RGP1: variants seen among roughly 807,000 people sequenced by gnomAD.
RGP1 encodes the protein RAB6A-GEF complex partner protein 2.
Under a neutral mutation model 44.5 loss-of-function variants are expected in RGP1, and 28 were observed. The observed-to-expected ratio is 0.63, with a 90% confidence interval of 0.47 to 0.86. The LOEUF (loss-of-function observed/expected upper bound fraction) is 0.86. Ranked by LOEUF, RGP1 falls within the 40% of genes least tolerant of loss-of-function variation. The pLI is 0.00. For missense variants in RGP1, 417 were observed against 490.7 expected, an observed-to-expected ratio of 0.85 and a Z score of 1.42; for synonymous variants, 212 against 196.7, an observed-to-expected ratio of 1.08 and a Z score of -0.65.
chr9:35,776,868 G>A, the RGP1 span, among the ~76,000 whole-genome samples: 227 of 151,424 alleles, frequency 1.5e-3, no homozygotes, highest in African/African-American at 5.4e-3. Flanking sequence ...GGTGGCGGGC[G>A]ACTGTAGTCC....
rs61731189 is a variant in RGP1, at chr9:35,752,719, C to A, written c.1021C>A (p.Pro341Thr). The change falls in exon 9 of 9, where the codon CCT becomes ACT. Residue 341 changes from proline to threonine, a missense_variant. Coordinates refer to ENST00000378078, the MANE Select transcript of RGP1 (RefSeq NM_001080496.3). ...AGAACCAGGATTGGTACTCCTACCC[C>A]CTGTGGAACAGCCCGAACCTACCAC... ...SREPGLVLLP[P>T]VEQPEPTTWT... 1.3e-4 allele frequency: 207 copies of A among 1,613,704 alleles called. No homozygotes were observed. The highest frequency in any genetic ancestry group is 7.8e-4 in the South Asian group (71 of 91,002).
the RGP1 span, among the ~76,000 whole-genome samples, chr9:35,772,001 C>T: frequency 2.0e-5 from 3 of 152,108 alleles, no homozygotes; most frequent in Non-Finnish European, 4.4e-5. Context: ...GCCATTTGTG[C>T]CAACAACTCT....
chr9:35,787,945 G>A, the RGP1 span, among the ~76,000 whole-genome samples: 1 of 152,196 alleles, frequency 6.6e-6, no homozygotes, highest in Admixed American at 6.5e-5. Flanking sequence ...GGTCAGCAGA[G>A]AAGATATTTT....
the RGP1 span, among the ~76,000 whole-genome samples, chr9:35,766,765 A>G: frequency 2.0e-5 from 3 of 152,238 alleles, no homozygotes; most frequent in Non-Finnish European, 2.9e-5. Context: ...GAATAGAAAT[A>G]TTAAACTTTT....
At chr9:35,765,057 C>T in the RGP1 span, among the ~76,000 whole-genome samples, 94 of 148,636 alleles carry the variant, frequency 6.3e-4, no homozygotes, top group Non-Finnish European at 6.2e-4. Context: ...ACTCAGGAGA[C>T]AGATTGCAAT....
the RGP1 span, among the ~76,000 whole-genome samples, chr9:35,783,759 G>A: frequency 6.6e-6 from 1 of 152,164 alleles, no homozygotes; most frequent in Non-Finnish European, 1.5e-5. Context: ...ACATGGAAGT[G>A]CAGACATTTC....
chr9:35,765,494 A>G, the RGP1 span, among the ~76,000 whole-genome samples: 3 of 152,052 alleles, frequency 2.0e-5, no homozygotes, highest in East Asian at 5.9e-4. Flanking sequence ...CCATCTCTAC[A>G]AAAAATACAA....
At chr9:35,751,489 A>C (rs1240238397) in intron 6 of RGP1, 77 bp downstream of exon 6, 1 of 1,600,580 alleles carries the variant, frequency 6.2e-7, no homozygotes, top group Non-Finnish European at 8.5e-7. Context: ...TCTCCTAACC[A>C]CCACACACTT....
At position 35,757,316 on chromosome 9, in the gene RGP1, T is replaced by C. The variant is rs1463086425; in HGVS notation, c.*4442T>C. 1.3e-5 allele frequency: 2 copies of C among 152,474 alleles called. No individual in the cohort carries two copies. The highest frequency in any genetic ancestry group is 1.9e-4 in the East Asian group (1 of 5,180). The allele number at this position is 152,474 out of a possible 1,614,324, so 9.4% of individuals were successfully genotyped here. ...CAGAGGGTCACTTAGTGGGCTTCTG[T>C]CGTGGTGTCGCTACGGGCGCGAAAC... On this transcript the variant is annotated 3_prime_UTR_variant, in exon 9 of 9. Transcript: ENST00000378078.
chr9:35,780,374 G>A, the RGP1 span: 14 of 152,294 alleles, frequency 9.2e-5, no homozygotes, highest in African/African-American at 2.9e-4. Context: ...AGAGTGTTAT[G>A]GACTCTGACC....
In RGP1 at chr9:35,753,410, A is replaced by G; in HGVS notation, c.*536A>G. ...CAGTGGCCCCTTGGTCCTCCTAACT[A>G]AGCTGTCACCTACCATATGTGGGCC... On this transcript the variant is annotated 3_prime_UTR_variant, in exon 9 of 9. Coordinates refer to ENST00000378078, the MANE Select transcript of RGP1 (RefSeq NM_001080496.3). The surrounding 1 kb of genome is among the most constrained non-coding windows in gnomAD (Gnocchi z 4.2). The G allele has an allele frequency of 9.8e-7, 1 of 1,021,328 alleles. No individual in the cohort carries two copies. The highest frequency in any genetic ancestry group is 1.4e-6 in the Non-Finnish European group (1 of 710,616). The allele number at this position is 1,021,328 out of a possible 1,614,324, so 63.3% of individuals were successfully genotyped here. A position where few individuals can be genotyped will look rare whatever the true frequency, so the allele number is the denominator to read the frequency against.
the RGP1 span, among the ~76,000 whole-genome samples, chr9:35,769,231 T>C: frequency 6.6e-6 from 1 of 152,270 alleles, no homozygotes; most frequent in Non-Finnish European, 1.5e-5. Flanking sequence ...AACCATGTGG[T>C]TGAAACACAT....
Position 35,753,061 on chromosome 9 carries a change from G to A in RGP1, c.*187G>A, listed in dbSNP as rs1392719264. 6.2e-7 allele frequency: 1 copy of A among 1,602,676 alleles called. No homozygotes were observed. Among genetic ancestry groups the A allele is most frequent in the Non-Finnish European group, 8.5e-7 (1 of 1,171,872 alleles). The stretch of plus-strand genomic sequence containing the variant: ...GCTAGTGGTTTCCCTGGAAGTGGCA[G>A]CAGCAGTGAGCAGTCAGCAGATGGA... On this transcript the variant is annotated 3_prime_UTR_variant, in exon 9 of 9. Coordinates refer to ENST00000378078, the MANE Select transcript of RGP1 (RefSeq NM_001080496.3). This position sits in a 1 kb window ranked among gnomAD's most constrained non-coding sequence, Gnocchi z 4.2.
At chr9:35,770,518 AGAGAGAGAGAGAGAG>A in the RGP1 span, among the ~76,000 whole-genome samples, 1 of 151,088 alleles carries the variant, frequency 6.6e-6, no homozygotes, top group Non-Finnish European at 1.5e-5. Flanking sequence ...AGAGAGAGAG[AGAGAGAGAGAGAGAG>A]AGAGAGTTGA....
the RGP1 span, among the ~76,000 whole-genome samples, chr9:35,783,588 C>T: frequency 5.3e-5 from 8 of 152,064 alleles, no homozygotes; most frequent in South Asian, 1.7e-3. Flanking sequence ...ATAATGTCCT[C>T]CAGGCTCATC....
the RGP1 span, among the ~76,000 whole-genome samples, chr9:35,777,496 T>TAG: frequency 6.6e-6 from 1 of 150,544 alleles, no homozygotes; most frequent in African/African-American, 2.4e-5. Context: ...TTTATATATA[T>TAG]AGAGAGAGAG....
the RGP1 span, among the ~76,000 whole-genome samples, chr9:35,781,214 G>A: frequency 6.6e-6 from 1 of 151,962 alleles, no homozygotes; most frequent in Non-Finnish European, 1.5e-5. Flanking sequence ...GAGGACTATA[G>A]ATAGCTCTAT....
downstream of RGP1, among the ~76,000 whole-genome samples, chr9:35,761,889 C>T (rs926254320): frequency 6.6e-6 from 1 of 152,098 alleles, no homozygotes; most frequent in Non-Finnish European, 1.5e-5. Context: ...TGTGGTGGCT[C>T]ACACCTGTAA....
the RGP1 span, among the ~76,000 whole-genome samples, chr9:35,788,820 AG>A: frequency 6.6e-6 from 1 of 152,212 alleles, no homozygotes; most frequent in Non-Finnish European, 1.5e-5. Flanking sequence ...TAGCTTGGAT[AG>A]TGGGATATAT....
Sources: allele counts gnomAD v4.1 joint callset (sites outside exome capture counted in the v4.1 genomes callset), GRCh38; gene constraint gnomAD v4.1.1; non-coding constraint Gnocchi (gnomAD v3.1); transcripts MANE v1.5; gene names NCBI Gene and HGNC (gene_info 2026-07-23, HGNC 2026-07-21).